NRG3: variants seen among roughly 807,000 people sequenced by gnomAD.
The protein encoded by NRG3 is pro-neuregulin-3, membrane-bound isoform.
Under a neutral mutation model 66.9 loss-of-function variants are expected in NRG3, and 31 were observed. The ratio of observed to expected loss-of-function variants is 0.46; its 90% CI spans 0.35 to 0.63. The LOEUF (loss-of-function observed/expected upper bound fraction) is 0.63, where lower values mean the gene tolerates loss of function less well. NRG3 is among the 20% of genes least tolerant of loss of function. The pLI is 0.00. For missense variants in NRG3, 910 were observed against 878.9 expected (o/e 1.04, Z -0.45); for synonymous variants, 393 against 359.4 (o/e 1.09, Z -1.06).
chr10:81,957,326 TGTTATTCCC>T (rs1849933779), intron 1 of NRG3, among the ~76,000 whole-genome samples: 1 of 152,088 alleles, frequency 6.6e-6, no homozygotes, highest in South Asian at 2.1e-4. Context: ...TACCTAATAG[TGTTATTCCC>T]TCCTCAAAGC....
chr10:82,029,190 C>T (rs1352396981), intron 1 of NRG3, among the ~76,000 whole-genome samples: 1 of 151,990 alleles, frequency 6.6e-6, no homozygotes, highest in Non-Finnish European at 1.5e-5. Flanking sequence ...GCCTGGGCAA[C>T]AGAGAGAGAC....
chr10:82,237,824 G>A (rs2076829781), intron 1 of NRG3, among the ~76,000 whole-genome samples: 1 of 152,074 alleles, frequency 6.6e-6, no homozygotes, highest in Non-Finnish European at 1.5e-5. Context: ...TCAAAATGAT[G>A]CTTTTTCCAA....
At chr10:82,169,401 A>T (rs1590391038) in intron 1 of NRG3, among the ~76,000 whole-genome samples, 1 of 151,728 alleles carries the variant, frequency 6.6e-6, no homozygotes, top group African/African-American at 2.4e-5. Context: ...TCAGAATTCT[A>T]TACTCATCCT....
intron 1 of NRG3, among the ~76,000 whole-genome samples, chr10:82,274,738 C>T (rs957681313): frequency 3.3e-5 from 5 of 151,962 alleles, no homozygotes; most frequent in Admixed American, 2.6e-4. Flanking sequence ...TAAATTATTT[C>T]TCAAGTGGAT....
At chr10:81,951,425 T>G (rs745931937) in intron 1 of NRG3, among the ~76,000 whole-genome samples, 3 of 152,194 alleles carry the variant, frequency 2.0e-5, no homozygotes, top group Non-Finnish European at 4.4e-5. Context: ...AGTTTAATAA[T>G]AATCTTTGCA....
intron 3 of NRG3, among the ~76,000 whole-genome samples, chr10:82,852,752 G>A (rs1484746187): frequency 5.9e-5 from 9 of 152,272 alleles, no homozygotes; most frequent in South Asian, 4.1e-4. Context: ...AGACCACATC[G>A]AAAAGGTTAT....
intron 1 of NRG3, among the ~76,000 whole-genome samples, chr10:82,349,896 T>C (rs947838565): frequency 8.5e-5 from 13 of 152,310 alleles, no homozygotes; most frequent in African/African-American, 2.9e-4. Context: ...GCTTCCCAAG[T>C]GAGGCAATGC....
chr10:82,750,532 G>T (rs956611387), intron 3 of NRG3, among the ~76,000 whole-genome samples: 14 of 152,018 alleles, frequency 9.2e-5, no homozygotes, highest in Non-Finnish European at 1.6e-4. Flanking sequence ...GTCCCCTTAG[G>T]CCCATATTTC....
At chr10:81,965,408 G>T (rs2059694357) in intron 1 of NRG3, among the ~76,000 whole-genome samples, 1 of 152,064 alleles carries the variant, frequency 6.6e-6, no homozygotes, top group African/African-American at 2.4e-5. Flanking sequence ...AGATTTAATA[G>T]AGTTTATATT....
At chr10:82,419,886 C>A (rs964114276) in intron 2 of NRG3, among the ~76,000 whole-genome samples, 5 of 152,036 alleles carry the variant, frequency 3.3e-5, no homozygotes, top group African/African-American at 1.2e-4. Context: ...TTGTGTGAAG[C>A]AGTTTATATG....
intron 2 of NRG3, among the ~76,000 whole-genome samples, chr10:82,436,405 C>T (rs150199692): frequency 0.031 from 4,681 of 152,150 alleles, 89 homozygotes; most frequent in South Asian, 0.048. Context: ...TCCTCTATCC[C>T]TTTATTTTGA....
At chr10:81,928,361 G>T (rs1306357768) in intron 1 of NRG3, among the ~76,000 whole-genome samples, 1 of 152,152 alleles carries the variant, frequency 6.6e-6, no homozygotes, top group East Asian at 1.9e-4. Context: ...TTCTCAGGTA[G>T]TGCGGAGTTT....
At chr10:82,137,690 C>T (rs2069472007) in intron 1 of NRG3, among the ~76,000 whole-genome samples, 1 of 152,178 alleles carries the variant, frequency 6.6e-6, no homozygotes, top group African/African-American at 2.4e-5. Flanking sequence ...GGCCAAAAAA[C>T]ATAACCCAGG....
At chr10:82,092,919 A>G (rs2066114443) in intron 1 of NRG3, among the ~76,000 whole-genome samples, 1 of 152,144 alleles carries the variant, frequency 6.6e-6, no homozygotes, top group Non-Finnish European at 1.5e-5. Context: ...AAACTGGTGC[A>G]AACATGAAGT....
At chr10:81,964,258 A>G (rs981048242) in intron 1 of NRG3, among the ~76,000 whole-genome samples, 1 of 152,046 alleles carries the variant, frequency 6.6e-6, no homozygotes, top group African/African-American at 2.4e-5. Context: ...AGAAATTTAT[A>G]TGTAGAATAA....
chr10:82,797,925 A>G (rs2060870051), intron 3 of NRG3, among the ~76,000 whole-genome samples: 1 of 152,192 alleles, frequency 6.6e-6, no homozygotes, highest in Non-Finnish European at 1.5e-5. Context: ...TAATTTTAAG[A>G]AAAACAAGTC....
intron 3 of NRG3, among the ~76,000 whole-genome samples, chr10:82,768,929 A>G (rs2059614959): frequency 6.6e-6 from 1 of 152,134 alleles, no homozygotes; most frequent in Non-Finnish European, 1.5e-5. Flanking sequence ...AACAAAAAGA[A>G]ATGTTATATG....
At chr10:82,031,130 C>T (rs2062550363) in intron 1 of NRG3, among the ~76,000 whole-genome samples, 1 of 152,088 alleles carries the variant, frequency 6.6e-6, no homozygotes, top group Non-Finnish European at 1.5e-5. Context: ...CATAGAAGAC[C>T]CGTCCCATTT....
chr10:82,930,085 A>T (rs1847416854), intron 4 of NRG3, among the ~76,000 whole-genome samples: 1 of 152,102 alleles, frequency 6.6e-6, no homozygotes, highest in Non-Finnish European at 1.5e-5. Flanking sequence ...TGTTGGGTTC[A>T]TCCAGGAGTG....
Sources: gnomAD v4.1 joint callset for allele counts (sites outside exome capture counted in the v4.1 genomes callset) on GRCh38, gnomAD v4.1.1 for gene constraint, MANE v1.5 for transcripts, NCBI Gene and HGNC (gene_info 2026-07-23, HGNC 2026-07-21) for gene names.